GALNT12: variants seen among roughly 807,000 people sequenced by gnomAD.
The protein encoded by GALNT12 is UDP-GalNAc:polypeptide N-acetylgalactosaminyltransferase 12.
Under a neutral mutation model 55.5 loss-of-function variants are expected in GALNT12, and 45 were observed. That is an observed-to-expected ratio of 0.81 (90% confidence interval 0.64 to 1.04). The LOEUF is 1.04. Ranked by LOEUF, GALNT12 falls within the 50% of genes least tolerant of loss-of-function variation. The pLI, the probability that GALNT12 is intolerant of heterozygous loss-of-function variation, is 0.00. For missense variants in GALNT12, 709 were observed against 754.8 expected (o/e 0.94, Z 0.71); for synonymous variants, 304 against 312.2 (o/e 0.97, Z 0.28).
chr9:98,842,458 G>A (rs1836314604), intron 7 of GALNT12, among the ~76,000 whole-genome samples: 1 of 152,098 alleles, frequency 6.6e-6, no homozygotes. Context: ...CAAAGTGCTG[G>A]GATTACAGGT....
At chr9:98,810,829 A>G (rs1334780421) in intron 1 of GALNT12, among the ~76,000 whole-genome samples, 1 of 152,196 alleles carries the variant, frequency 6.6e-6, no homozygotes, top group Non-Finnish European at 1.5e-5. Context: ...TGAATTGAAG[A>G]GGAGGCTAAT....
intron 3 of GALNT12, among the ~76,000 whole-genome samples, chr9:98,828,466 T>C (rs1352625114): frequency 2.6e-5 from 4 of 152,082 alleles, no homozygotes; most frequent in Non-Finnish European, 5.9e-5. Flanking sequence ...CACTCATAGA[T>C]GGCCACCTCT....
intron 2 of GALNT12, among the ~76,000 whole-genome samples, chr9:98,825,698 G>T (rs1276796951): frequency 1.3e-5 from 2 of 152,146 alleles, no homozygotes; most frequent in South Asian, 2.1e-4. Flanking sequence ...AAATTGGCTG[G>T]GTGCGGTGGC....
In GALNT12 at chr9:98,826,945, C is replaced by T. The variant is rs756809019; in HGVS notation, c.731+4C>T. The T allele has an allele frequency of 2.9e-5, 45 of 1,555,386 alleles. No individual in the cohort carries two copies. Among genetic ancestry groups the T allele is most frequent in the Middle Eastern group, 3.4e-4 (2 of 5,928 alleles). On this transcript the variant is annotated splice_donor_region_variant and intron_variant, in intron 3 of 9. Coordinates refer to ENST00000375011, the MANE Select transcript of GALNT12 (RefSeq NM_024642.5). The stretch of plus-strand genomic sequence containing the variant: ...GGCTGGAGCCGCTGCTGCAGAGGTA[C>T]GTGAGCCGCCCACCATGGGAGAGAC...
chr9:98,822,552 G>A (rs1441372070), intron 1 of GALNT12, among the ~76,000 whole-genome samples: 1 of 152,216 alleles, frequency 6.6e-6, no homozygotes, highest in Non-Finnish European at 1.5e-5. Context: ...GGTGGCAGCG[G>A]GGATTTGGGG....
intron 4 of GALNT12, among the ~76,000 whole-genome samples, chr9:98,833,663 T>A (rs1836059971): frequency 6.6e-6 from 1 of 151,958 alleles, no homozygotes; most frequent in African/African-American, 2.4e-5. Flanking sequence ...GAGTGGGAAT[T>A]GGGGAAGGAA....
intron 1 of GALNT12, among the ~76,000 whole-genome samples, chr9:98,816,064 C>T (rs1835603989): frequency 6.6e-6 from 1 of 152,110 alleles, no homozygotes; most frequent in Non-Finnish European, 1.5e-5. Flanking sequence ...CCATGATTTC[C>T]TCATGCAGCC....
chr9:98,837,025 T>C lies in GALNT12; in HGVS notation c.1089T>C (p.His363=). The C allele has an allele frequency of 6.2e-7, 1 of 1,614,188 alleles. No individual in the cohort carries two copies. Among genetic ancestry groups the C allele is most frequent in the East Asian group, 2.2e-5 (1 of 44,878 alleles). ...LETHPCSHVG[H]VFPKQAPYSR... Reference sequence around the variant, plus strand: ...CACACCCATGTTCCCATGTTGGCCATGTTTTCCCCAAGCAAGCTCCCTACT... The same window carrying C: ...CACACCCATGTTCCCATGTTGGCCACGTTTTCCCCAAGCAAGCTCCCTACT... The change falls in exon 6 of 10, where the codon CAT becomes CAC. Residue 363 remains histidine (H), a synonymous_variant. Coordinates refer to ENST00000375011, the MANE Select transcript of GALNT12 (RefSeq NM_024642.5).
intron 1 of GALNT12, 79 bp from the exon 2 acceptor site, chr9:98,823,148 TTATGTCCCCTTCCGCAGGGGACCATGACC>T: frequency 6.0e-6 from 6 of 1,005,096 alleles, no homozygotes; most frequent in East Asian, 2.4e-5. Context: ...CTTCAGTGGA[TTATGTCCCCTTCCGCAGGGGACCATGACC>T]TATGTCCCCT....
intron 7 of GALNT12, 30 bp from the exon 8 acceptor site, chr9:98,844,066 A>G: frequency 2.7e-6 from 4 of 1,471,794 alleles, no homozygotes; most frequent in Non-Finnish European, 3.8e-6. Context: ...ATAAATCTGG[A>G]CTGAAATGCC....
chr9:98,844,423 G>T (rs1246768720), intron 8 of GALNT12: 3 of 560,198 alleles, frequency 5.4e-6, no homozygotes, highest in Non-Finnish European at 9.5e-6. Context: ...GTAAATAGTT[G>T]TCATAATGTC....
chr9:98,846,082 G>T lies in GALNT12; in HGVS notation c.1564G>T (p.Glu522Ter), dbSNP rs200303625. ...GMDTLIMHLC[E>*]ETAPENQKFI... ...GGATACCCTTATCATGCATCTCTGC[G>T]AAGAAACTGCCCCAGAGAATCAGAA... Residue 522 changes from glutamate to a stop codon, truncating the protein, a stop_gained, in exon 9 of 10, where the codon GAA becomes TAA. Transcript: ENST00000375011. LOFTEE classifies it low-confidence loss of function (END_TRUNC). 11 of 1,614,072 alleles carry T rather than the reference G, an allele frequency of 6.8e-6. No individual in the cohort carries two copies. Among genetic ancestry groups the T allele is most frequent in the Non-Finnish European group, 9.3e-6 (11 of 1,180,042 alleles).
chr9:98,819,391 G>A (rs1448615644), intron 1 of GALNT12, among the ~76,000 whole-genome samples: 3 of 152,200 alleles, frequency 2.0e-5, no homozygotes, highest in Non-Finnish European at 2.9e-5. Flanking sequence ...GCTAGGTGCT[G>A]GTGGGGATGC....
At chr9:98,833,291 C>T (rs968241231) in intron 4 of GALNT12, among the ~76,000 whole-genome samples, 1 of 152,292 alleles carries the variant, frequency 6.6e-6, no homozygotes, top group East Asian at 1.9e-4. Context: ...CTGAGTTTTG[C>T]GTCCACATTT....
intron 1 of GALNT12, among the ~76,000 whole-genome samples, chr9:98,817,030 G>T (rs1370058097): frequency 1.3e-5 from 2 of 152,062 alleles, no homozygotes; most frequent in Non-Finnish European, 2.9e-5. Flanking sequence ...GTTTCACCTT[G>T]TTAGCCAGGA....
chr9:98,817,525 G>A (rs751791046), intron 1 of GALNT12, among the ~76,000 whole-genome samples: 61 of 151,924 alleles, frequency 4.0e-4, no homozygotes, highest in Non-Finnish European at 6.8e-4. Context: ...GTGCAATGGC[G>A]CGATCTTGGC....
At chr9:98,811,825 G>A (rs1230172516) in intron 1 of GALNT12, among the ~76,000 whole-genome samples, 3 of 151,838 alleles carry the variant, frequency 2.0e-5, no homozygotes, top group Admixed American at 1.3e-4. Context: ...TGGGATTATA[G>A]GCAAGCGCCA....
Position 98,831,894 on chromosome 9 carries a change from T to G in GALNT12, c.854T>G (p.Phe285Cys). ...QIGGFDWRLV[F>C]TWHTVPERER... is the part of the protein sequence containing the mutation. ...GGCGGTTTCGACTGGAGGCTGGTGTTCACGTGGCACACAGTTCCTGAGAGG... is the reference window on the plus strand; with the variant it reads ...GGCGGTTTCGACTGGAGGCTGGTGTGCACGTGGCACACAGTTCCTGAGAGG... The change falls in exon 4 of 10, where the codon TTC (phenylalanine) becomes TGC (cysteine). Residue 285 changes from phenylalanine to cysteine, a missense_variant. Transcript: ENST00000375011. The G allele has an allele frequency of 1.2e-6, 2 of 1,614,190 alleles. No individual in the cohort carries two copies. The highest frequency in any genetic ancestry group is 1.7e-6 in the Non-Finnish European group (2 of 1,180,036).
At chr9:98,820,298 C>T (rs547793631) in intron 1 of GALNT12, among the ~76,000 whole-genome samples, 1 of 152,220 alleles carries the variant, frequency 6.6e-6, no homozygotes, top group South Asian at 2.1e-4. Flanking sequence ...TCCATGTGTC[C>T]ATGTGTTCTC....
Sources: allele counts gnomAD v4.1 joint callset (sites outside exome capture counted in the v4.1 genomes callset), GRCh38; gene constraint gnomAD v4.1.1; transcripts MANE v1.5; gene names NCBI Gene and HGNC (gene_info 2026-07-23, HGNC 2026-07-21).